TP63: variants seen among roughly 807,000 people sequenced by gnomAD.
TP63 encodes tumor protein 63.
Under a neutral mutation model 82.8 loss-of-function variants are expected in TP63, and 17 were observed. The observed-to-expected ratio is 0.21, with a 90% CI of 0.14 to 0.31. The LOEUF (loss-of-function observed/expected upper bound fraction) is 0.31. Among genes scored for constraint, TP63 ranks in the 10% least tolerant of loss-of-function variants. The pLI is 1.00. For synonymous variants in TP63, 330 were observed against 321.7 expected, an observed-to-expected ratio of 1.03 and a Z score of -0.28; for missense variants, 648 against 895.3, an observed-to-expected ratio of 0.72 and a Z score of 3.52.
At chr3:189,641,292 T>C (rs1161482371) in intron 1 of TP63, among the ~76,000 whole-genome samples, 1 of 151,996 alleles carries the variant, frequency 6.6e-6, no homozygotes, top group Non-Finnish European at 1.5e-5. Context: ...TGAAATAATC[T>C]TAATTAAGTG....
At chr3:189,864,121 C>A in intron 4 of TP63, 111 bp from the exon 5 acceptor site, 1 of 1,361,452 alleles carries the variant, frequency 7.3e-7, no homozygotes, top group Non-Finnish European at 1.1e-6. Flanking sequence ...AGTAAACAGG[C>A]AGCATGCAGC....
chr3:189,659,956 A>G (rs1713723142), intron 1 of TP63, among the ~76,000 whole-genome samples: 1 of 151,906 alleles, frequency 6.6e-6, no homozygotes, highest in Non-Finnish European at 1.5e-5. Context: ...ATACTAGACC[A>G]TTGCCATATA....
intron 4 of TP63, among the ~76,000 whole-genome samples, chr3:189,846,916 T>C (rs6787482): frequency 0.82 from 124,136 of 151,354 alleles, 50,994 homozygotes; most frequent in South Asian, 0.86. Context: ...CTGCTGACCT[T>C]GTGATCCACC....
the TP63 span, among the ~76,000 whole-genome samples, chr3:189,609,464 G>T: frequency 6.6e-6 from 1 of 151,914 alleles, no homozygotes; most frequent in African/African-American, 2.4e-5. Context: ...TGTCATGGGG[G>T]GTTGTTGTAC....
At chr3:189,622,745 G>T in the TP63 span, among the ~76,000 whole-genome samples, 3 of 152,162 alleles carry the variant, frequency 2.0e-5, no homozygotes, top group East Asian at 5.8e-4. Flanking sequence ...GCGGCTGATG[G>T]TTATTTCATC....
intron 1 of TP63, among the ~76,000 whole-genome samples, chr3:189,722,356 C>T (rs1034767921): frequency 6.6e-6 from 1 of 152,190 alleles, no homozygotes; most frequent in Non-Finnish European, 1.5e-5. Context: ...GAAGGATAAG[C>T]GCGTCTTTAG....
intron 1 of TP63, among the ~76,000 whole-genome samples, chr3:189,654,846 T>C (rs1334769775): frequency 6.6e-6 from 1 of 152,216 alleles, no homozygotes; most frequent in Non-Finnish European, 1.5e-5. Context: ...CATTGTAACA[T>C]GCCCTCAATG....
At chr3:189,597,032 C>T in the TP63 span, among the ~76,000 whole-genome samples, 2 of 152,060 alleles carry the variant, frequency 1.3e-5, no homozygotes, top group East Asian at 1.9e-4. Flanking sequence ...GAAGAAACTC[C>T]GAACACATCC....
intron 4 of TP63, among the ~76,000 whole-genome samples, chr3:189,814,693 G>C (rs1727968691): frequency 6.6e-6 from 1 of 152,152 alleles, no homozygotes; most frequent in South Asian, 2.1e-4. Flanking sequence ...CTAGGTTTTG[G>C]ATTTAAAATG....
At chr3:189,665,695 C>A (rs1001757645) in intron 1 of TP63, among the ~76,000 whole-genome samples, 5 of 152,040 alleles carry the variant, frequency 3.3e-5, no homozygotes, top group Non-Finnish European at 4.4e-5. Context: ...TTTAAAGCCA[C>A]TTTTAATTGT....
At chr3:189,719,066 T>G (rs1719175959) in intron 1 of TP63, among the ~76,000 whole-genome samples, 1 of 151,938 alleles carries the variant, frequency 6.6e-6, no homozygotes, top group South Asian at 2.1e-4. Flanking sequence ...GTAATTGAAG[T>G]GTAGGGTAAG....
the TP63 span, among the ~76,000 whole-genome samples, chr3:189,598,346 G>A: frequency 1.3e-5 from 2 of 148,192 alleles, no homozygotes; most frequent in Admixed American, 6.8e-5. Context: ...GGAGGGGAGA[G>A]GAAAATAGGG....
chr3:189,827,081 G>T (rs1394938087), intron 4 of TP63, among the ~76,000 whole-genome samples: 1 of 152,194 alleles, frequency 6.6e-6, no homozygotes, highest in East Asian at 1.9e-4. Context: ...CTGCCACTGA[G>T]CAGGGCCTTG....
chr3:189,793,355 T>A (rs553620488), intron 3 of TP63, among the ~76,000 whole-genome samples: 4 of 152,230 alleles, frequency 2.6e-5, no homozygotes, highest in South Asian at 2.1e-4. Flanking sequence ...AAAGCATCAA[T>A]GGATGTCTAC....
chr3:189,603,267 T>G, the TP63 span, among the ~76,000 whole-genome samples: 1 of 152,120 alleles, frequency 6.6e-6, no homozygotes, highest in Non-Finnish European at 1.5e-5. Flanking sequence ...TAGTCCCAAC[T>G]CCTTATATGT....
chr3:189,844,797 T>A (rs1714653859), intron 4 of TP63, among the ~76,000 whole-genome samples: 1 of 152,104 alleles, frequency 6.6e-6, no homozygotes, highest in Non-Finnish European at 1.5e-5. Flanking sequence ...CTGAATTGGA[T>A]CTTTAGAATT....
chr3:189,674,562 A>C (rs1715218317), intron 1 of TP63, among the ~76,000 whole-genome samples: 1 of 152,128 alleles, frequency 6.6e-6, no homozygotes, highest in South Asian at 2.1e-4. Context: ...AAAGTTTCCC[A>C]AAATTTTCCC....
chr3:189,647,052 C>G (rs1173876777), intron 1 of TP63, among the ~76,000 whole-genome samples: 1 of 147,036 alleles, frequency 6.8e-6, no homozygotes. Context: ...TTTGTGGATC[C>G]TTTTCATTGA....
At chr3:189,819,808 G>A (rs1056133595) in intron 4 of TP63, among the ~76,000 whole-genome samples, 4 of 129,084 alleles carry the variant, frequency 3.1e-5, no homozygotes, top group African/African-American at 5.9e-5. Context: ...CTGGAGTGCA[G>A]TGGTGCCACC....
Sources: gnomAD v4.1 joint callset for allele counts (sites outside exome capture counted in the v4.1 genomes callset) on GRCh38, gnomAD v4.1.1 for gene constraint, MANE v1.5 for transcripts, NCBI Gene and HGNC (gene_info 2026-07-23, HGNC 2026-07-21) for gene names.